Variants in BCR observed in about 807,000 individuals in gnomAD.
BCR encodes BCR activator of RhoGEF and GTPase.
Under a neutral mutation model 138.6 loss-of-function variants are expected in BCR, and 58 were observed. That is an observed-to-expected ratio of 0.42 (90% CI 0.34 to 0.52). The LOEUF (loss-of-function observed/expected upper bound fraction) is 0.52. BCR is among the 20% of genes least tolerant of loss of function. The probability of loss-of-function intolerance (pLI) is 0.06; values close to 1 mark genes in which losing one functional copy is unlikely to be tolerated. For synonymous variants in BCR, 786 were observed against 730.1 expected, an observed-to-expected ratio of 1.08 and a Z score of -1.23; for missense variants, 1,599 against 1,727.2, an observed-to-expected ratio of 0.93 and a Z score of 1.32.
intron 8 of BCR, among the ~76,000 whole-genome samples, chr22:23,279,583 C>A (rs376857787): frequency 2.0e-5 from 3 of 152,284 alleles, no homozygotes; most frequent in Non-Finnish European, 2.9e-5. Context: ...CCTCCAGGGC[C>A]CCCCCACCAG....
intron 1 of BCR, among the ~76,000 whole-genome samples, chr22:23,238,267 A>G (rs1332456807): frequency 6.6e-6 from 1 of 152,062 alleles, no homozygotes; most frequent in Non-Finnish European, 1.5e-5. Context: ...CCTTTTCCAA[A>G]TACTTGTTTA....
At chr22:23,272,580 G>A (rs1045285973) in intron 6 of BCR, among the ~76,000 whole-genome samples, 1 of 152,112 alleles carries the variant, frequency 6.6e-6, no homozygotes, top group African/African-American at 2.4e-5. Context: ...GGGTGTCCTC[G>A]GGCAGGTCGC....
intron 1 of BCR, among the ~76,000 whole-genome samples, chr22:23,189,896 C>T (rs2072393016): frequency 6.6e-6 from 1 of 152,210 alleles, no homozygotes; most frequent in Admixed American, 6.5e-5. Context: ...GGCGATCTTC[C>T]CTGGGCCTTC....
intron 1 of BCR, among the ~76,000 whole-genome samples, chr22:23,213,085 T>C (rs2072705822): frequency 6.6e-6 from 1 of 152,222 alleles, no homozygotes; most frequent in South Asian, 2.1e-4. Flanking sequence ...GAACCTCCCT[T>C]GTCTAGTTTT....
chr22:23,247,882 G>A (rs1235162898), intron 1 of BCR, among the ~76,000 whole-genome samples: 3 of 152,210 alleles, frequency 2.0e-5, no homozygotes, highest in Non-Finnish European at 4.4e-5. Context: ...GAGATTGCAT[G>A]TGTCAAAATG....
At chr22:23,228,111 TTTTG>T (rs1325323371) in intron 1 of BCR, among the ~76,000 whole-genome samples, 2 of 152,204 alleles carry the variant, frequency 1.3e-5, no homozygotes, top group Non-Finnish European at 2.9e-5. Context: ...GCCTTTCTTT[TTTTG>T]TTTGTTAGTC....
chr22:23,194,513 C>A (rs1376882184), intron 1 of BCR, among the ~76,000 whole-genome samples: 1 of 151,980 alleles, frequency 6.6e-6, no homozygotes, highest in Admixed American at 6.6e-5. Context: ...CAGGTTCACG[C>A]CATTCTCCTG....
chr22:23,315,361 C>A (rs1480671972), intron 22 of BCR, 72 bp from the exon 23 acceptor site: 17 of 1,447,694 alleles, frequency 1.2e-5, no homozygotes, highest in Non-Finnish European at 1.6e-5. Flanking sequence ...GGCTTGGGCC[C>A]CAAAGACCTC....
At position 23,317,002 on chromosome 22, in the gene BCR, C is replaced by G. The variant is rs529545273; in HGVS notation, c.*1480C>G. 828 of 151,542 alleles carry G rather than the reference C, an allele frequency of 5.5e-3. 16 individuals are homozygous for G. The highest frequency in any genetic ancestry group is 0.02 in the African/African-American group (579 of 28,292). The allele number at this position is 151,542 out of a possible 1,614,324, so 9.4% of individuals were successfully genotyped here. A position where few individuals can be genotyped will look rare whatever the true frequency, so the allele number is the denominator to read the frequency against. ...CTGCAGGAGGAGAGGATGCAGCTGC[C>G]CAGAGGGAAGCAGGATCACATTTAA... is the stretch of plus-strand genomic sequence containing the variant. On this transcript the variant is annotated 3_prime_UTR_variant, in exon 23 of 23. Transcript: ENST00000305877.
chr22:23,267,794 G>C (rs1020185680), intron 4 of BCR, among the ~76,000 whole-genome samples: 1 of 152,206 alleles, frequency 6.6e-6, no homozygotes, highest in Non-Finnish European at 1.5e-5. Context: ...ATTGCCATTG[G>C]TTTAATAAAG....
intron 1 of BCR, among the ~76,000 whole-genome samples, chr22:23,243,768 G>A (rs547868841): frequency 3.3e-5 from 5 of 151,604 alleles, no homozygotes; most frequent in African/African-American, 9.7e-5. Context: ...TTAGCCTCCC[G>A]AGTAGCTGGG....
In BCR at chr22:23,213,807, T is replaced by C. The variant is rs768296006; in HGVS notation, c.1279+31568T>C. Among the ~76,000 whole-genome samples, 75 of 149,328 alleles carry C rather than the reference T, an allele frequency of 5.0e-4. 2 individuals carry two copies. Among genetic ancestry groups the C allele is most frequent in the Non-Finnish European group, 1.2e-4 (8 of 67,612 alleles). On this transcript the variant is annotated intron_variant, in intron 1 of 22. Coordinates refer to ENST00000305877, the MANE Select transcript of BCR (RefSeq NM_004327.4). Reference sequence around the variant, plus strand: ...ATGATTGCACCACTGTACTTCAGCCTGGGCAACAGAGCAAGACCCCTGTCT... The same window carrying C: ...ATGATTGCACCACTGTACTTCAGCCCGGGCAACAGAGCAAGACCCCTGTCT...
At chr22:23,243,499 C>T (rs2073120835) in intron 1 of BCR, among the ~76,000 whole-genome samples, 2 of 152,136 alleles carry the variant, frequency 1.3e-5, no homozygotes, top group Admixed American at 6.6e-5. Flanking sequence ...GCTGGGAGGG[C>T]AGTGCCCCAA....
chr22:23,195,972 G>A (rs1400601426), intron 1 of BCR, among the ~76,000 whole-genome samples: 1 of 152,126 alleles, frequency 6.6e-6, no homozygotes, highest in African/African-American at 2.4e-5. Flanking sequence ...AAAAAACATT[G>A]CCATCTTCAA....
rs200623759 is a variant in BCR at position 23,181,522 on chromosome 22, C to G, written c.562C>G (p.Leu188Val). The G allele has an allele frequency of 6.2e-7, 1 of 1,612,860 alleles. No homozygotes were observed. The highest frequency in any genetic ancestry group is 8.5e-7 in the Non-Finnish European group (1 of 1,179,860). Residue 188 changes from leucine to valine, a missense_variant, in exon 1 of 23, where the codon CTG (leucine) becomes GTG (valine). Around this residue, in one of 4 missense-constraint regions of BCR, gnomAD observed 806 missense variants for 635.0 expected, o/e 1.27. Transcript: ENST00000305877. ...CGTCGAGTTTCACCACGAGCGCGGC[C>G]TGGTGAAGGTCAACGACAAAGAGGT... ...VNVEFHHERG[L>V]VKVNDKEVSD... is the part of the protein sequence containing the mutation.
At chr22:23,296,234 C>T (rs577982982) in intron 16 of BCR, among the ~76,000 whole-genome samples, 5 of 152,102 alleles carry the variant, frequency 3.3e-5, no homozygotes, top group South Asian at 2.1e-4. Flanking sequence ...ATTAGCCAGG[C>T]GTGGTGGCGG....
intron 1 of BCR, among the ~76,000 whole-genome samples, chr22:23,187,530 C>T (rs1421646162): frequency 6.6e-6 from 1 of 150,664 alleles, no homozygotes; most frequent in East Asian, 1.9e-4. Context: ...GATTGGATCT[C>T]CCTATGTTGC....
chr22:23,271,869 AT>A (rs34060185), intron 6 of BCR, among the ~76,000 whole-genome samples: 88 of 147,780 alleles, frequency 6.0e-4, no homozygotes, highest in African/African-American at 1.2e-3. Context: ...CATAAGGAGG[AT>A]TTTTTTTTTT....
intron 5 of BCR, among the ~76,000 whole-genome samples, chr22:23,270,115 C>T (rs1048510214): frequency 4.6e-5 from 7 of 152,124 alleles, no homozygotes; most frequent in South Asian, 2.1e-4. Context: ...CAGAGTCAAA[C>T]GCAAGGAAGA....
Sources: gnomAD v4.1 joint callset for allele counts (sites outside exome capture counted in the v4.1 genomes callset) on GRCh38, gnomAD v4.1.1 for gene constraint, gnomAD v4.1.1 regional missense constraint, MANE v1.5 for transcripts, NCBI Gene and HGNC (gene_info 2026-07-23, HGNC 2026-07-21) for gene names.